Variants in LRBA observed in about 807,000 individuals in gnomAD.
LRBA encodes lipopolysaccharide-responsive and beige-like anchor protein.
A neutral mutation model predicts 330.0 loss-of-function variants in LRBA; 176 were observed. The ratio of observed to expected loss-of-function variants is 0.53; its 90% CI spans 0.47 to 0.60. The LOEUF is 0.60. Among genes scored for constraint, LRBA ranks in the 20% least tolerant of loss-of-function variants. The pLI is 0.00. For synonymous variants in LRBA, 1,230 were observed against 1,193.0 expected (o/e 1.03, Z -0.64); for missense variants, 3,259 against 3,444.8 (o/e 0.95, Z 1.35).
At position 150,724,191 on chromosome 4, in the gene LRBA, C is replaced by T. The variant is rs138867022; in HGVS notation, c.5754+11067G>A. Among the ~76,000 whole-genome samples the T allele has an allele frequency of 7.9e-3, 1,203 of 152,260 alleles. 5 individuals carry two copies. Among genetic ancestry groups the T allele is most frequent in the Middle Eastern group, 0.017 (5 of 294 alleles). ...AGTGCTGTGCAGGTTTCAGGTCTAA[C>T]CCAGTGCAGCCCTAGTGGTGGTGGC... On this transcript the variant is annotated intron_variant, in intron 36 of 56. Transcript: ENST00000651943.
At chr4:150,930,534 A>C (rs560197845) in intron 2 of LRBA, among the ~76,000 whole-genome samples, 1 of 152,282 alleles carries the variant, frequency 6.6e-6, no homozygotes, top group East Asian at 1.9e-4. Context: ...GGCTCTTATA[A>C]AGAATAACAG....
chr4:150,632,429 C>A (rs1777480812), intron 37 of LRBA, among the ~76,000 whole-genome samples: 1 of 152,114 alleles, frequency 6.6e-6, no homozygotes, highest in Non-Finnish European at 1.5e-5. Context: ...TGGCAAAGAG[C>A]CTTGCTCAGA....
At chr4:150,534,377 A>T (rs921580155) in intron 40 of LRBA, among the ~76,000 whole-genome samples, 7 of 134,144 alleles carry the variant, frequency 5.2e-5, no homozygotes, top group African/African-American at 1.9e-4. Flanking sequence ...AATAATAATA[A>T]TTTTTTTTAA....
At chr4:150,342,139 G>A (rs1735665500) in intron 48 of LRBA, among the ~76,000 whole-genome samples, 1 of 151,506 alleles carries the variant, frequency 6.6e-6, no homozygotes, top group South Asian at 2.1e-4. Context: ...TATCTTTTTT[G>A]AAAATTTCTT....
At chr4:150,515,537 C>G (rs1300860963) in intron 40 of LRBA, among the ~76,000 whole-genome samples, 1 of 151,898 alleles carries the variant, frequency 6.6e-6, no homozygotes, top group Non-Finnish European at 1.5e-5. Flanking sequence ...TAAAACAGGG[C>G]CTGGCACATC....
intron 44 of LRBA, among the ~76,000 whole-genome samples, chr4:150,445,967 C>T (rs942725825): frequency 1.4e-4 from 22 of 151,994 alleles, no homozygotes; most frequent in African/African-American, 3.4e-4. Flanking sequence ...AATCTTAATA[C>T]AAAAATTAGA....
At chr4:150,776,772 T>C (rs541833791) in intron 34 of LRBA, among the ~76,000 whole-genome samples, 4 of 65,692 alleles carry the variant, frequency 6.1e-5, no homozygotes, top group South Asian at 4.2e-4. Context: ...ATCGCACCAC[T>C]GCACTCCAGC....
intron 48 of LRBA, among the ~76,000 whole-genome samples, chr4:150,336,982 A>G (rs764574483): frequency 6.6e-6 from 1 of 152,336 alleles, no homozygotes; most frequent in African/African-American, 2.4e-5. Flanking sequence ...GGAAATGAGT[A>G]GATAAAGCAG....
chr4:150,454,904 C>A (rs1015155723), intron 44 of LRBA, among the ~76,000 whole-genome samples: 4 of 151,216 alleles, frequency 2.6e-5, no homozygotes, highest in Admixed American at 2.0e-4. Flanking sequence ...ACTTTTATTT[C>A]TTATTATTAA....
At chr4:150,745,239 CTG>C (rs540451104) in intron 35 of LRBA, among the ~76,000 whole-genome samples, 124 of 152,246 alleles carry the variant, frequency 8.1e-4, no homozygotes, top group Non-Finnish European at 1.2e-3. Flanking sequence ...CCCACAGAAA[CTG>C]TAGGATAGTA....
chr4:150,849,360 T>C (rs1459739825), intron 25 of LRBA, 62 bp downstream of exon 25: 1 of 1,459,548 alleles, frequency 6.9e-7, no homozygotes, highest in East Asian at 2.3e-5. Flanking sequence ...TAAGTTTTAG[T>C]CAATAAAGTT....
intron 48 of LRBA, among the ~76,000 whole-genome samples, chr4:150,327,011 G>GA (rs1308820507): frequency 1.3e-5 from 2 of 152,140 alleles, no homozygotes; most frequent in South Asian, 4.1e-4. Context: ...ACAAGCTTGA[G>GA]AAAAAAATCA....
rs1214314472 is a variant in LRBA, at chr4:150,906,531, C to T, written c.1494-126G>A. The T allele has an allele frequency of 5.3e-6, 3 of 562,346 alleles. No individual in the cohort carries two copies. The East Asian group carries it at 8.7e-5, about 16-fold the overall frequency. The allele number at this position is 562,346 out of a possible 1,614,324, so 34.8% of individuals were successfully genotyped here. ...CTCCATTTCAAAGAAATTGAAGCTCCACTAAAACTGCTTCCAACATTACAT... is the reference window on the plus strand; with the variant it reads ...CTCCATTTCAAAGAAATTGAAGCTCTACTAAAACTGCTTCCAACATTACAT... On this transcript the variant is annotated intron_variant, in intron 11 of 56. Coordinates refer to ENST00000651943, the MANE Select transcript of LRBA (RefSeq NM_001364905.1).
intron 40 of LRBA, among the ~76,000 whole-genome samples, chr4:150,534,878 G>A (rs942881245): frequency 1.3e-5 from 2 of 152,130 alleles, no homozygotes; most frequent in African/African-American, 4.8e-5. Flanking sequence ...GTTGCTTAAT[G>A]AGAACTCCAG....
intron 34 of LRBA, among the ~76,000 whole-genome samples, chr4:150,782,753 T>A (rs1738450816): frequency 6.6e-6 from 1 of 152,100 alleles, no homozygotes; most frequent in Non-Finnish European, 1.5e-5. Flanking sequence ...GGATTTGTCA[T>A]GGCTATTTGT....
At chr4:150,480,026 G>A (rs570339785) in intron 42 of LRBA, among the ~76,000 whole-genome samples, 2 of 152,236 alleles carry the variant, frequency 1.3e-5, no homozygotes, top group Non-Finnish European at 2.9e-5. Context: ...TACCAAATTA[G>A]GTATGCTAAA....
At chr4:150,803,827 A>G (rs1742137400) in intron 33 of LRBA, among the ~76,000 whole-genome samples, 1 of 152,124 alleles carries the variant, frequency 6.6e-6, no homozygotes, top group African/African-American at 2.4e-5. Context: ...CCTTCTTACA[A>G]TTTTACCAAA....
intron 40 of LRBA, among the ~76,000 whole-genome samples, chr4:150,522,459 G>C (rs1373325137): frequency 2.0e-5 from 3 of 152,190 alleles, no homozygotes; most frequent in Admixed American, 2.0e-4. Context: ...AGCAATGCAA[G>C]AATAACTCCC....
intron 46 of LRBA, among the ~76,000 whole-genome samples, chr4:150,419,631 ATCTTT>A (rs1181981582): frequency 7.9e-6 from 1 of 126,932 alleles, no homozygotes; most frequent in Admixed American, 9.1e-5. Context: ...CACTGATAAT[ATCTTT>A]TTTTTTTTTT....
Sources: allele counts gnomAD v4.1 joint callset (sites outside exome capture counted in the v4.1 genomes callset), GRCh38; gene constraint gnomAD v4.1.1; transcripts MANE v1.5; gene names NCBI Gene and HGNC (gene_info 2026-07-23, HGNC 2026-07-21).